Variants in MTUS2 observed in about 807,000 individuals in gnomAD.
The protein encoded by MTUS2 is microtubule-associated tumor suppressor candidate 2.
In MTUS2, 40 loss-of-function variants were observed where a neutral mutation model predicts 114.1. That is an observed-to-expected ratio of 0.35 (90% CI 0.27 to 0.46). The LOEUF (loss-of-function observed/expected upper bound fraction) is 0.46. MTUS2 is among the 20% of genes least tolerant of loss of function. The pLI, the probability that MTUS2 is intolerant of heterozygous loss-of-function variation, is 1.00. For missense variants in MTUS2, 1,679 were observed against 1,705.4 expected, an observed-to-expected ratio of 0.98 and a Z score of 0.27; for synonymous variants, 688 against 672.0, an observed-to-expected ratio of 1.02 and a Z score of -0.37.
At chr13:29,362,958 G>T (rs1870393225) in intron 8 of MTUS2, among the ~76,000 whole-genome samples, 1 of 152,166 alleles carries the variant, frequency 6.6e-6, no homozygotes, top group Admixed American at 6.5e-5. Flanking sequence ...CCACACTTAG[G>T]TGCCAACAGC....
In MTUS2 at chr13:29,042,719, AT is replaced by A. The variant is rs1243766550; in HGVS notation, c.2446+8597del. Among the ~76,000 whole-genome samples the A allele has an allele frequency of 2.0e-5, 3 of 152,022 alleles. No individual in the cohort carries two copies. The East Asian group carries it at 5.8e-4, about 29-fold the overall frequency. On this transcript the variant is annotated intron_variant, in intron 4 of 15. Coordinates refer to ENST00000612955, the MANE Select transcript of MTUS2 (RefSeq NM_001033602.4). The stretch of plus-strand genomic sequence containing the variant: ...GAATGTTGTATATTTCCAGGAACTT[AT>A]TTATCTCCTCTAGATTTTCTACTAT...
intron 2 of MTUS2, among the ~76,000 whole-genome samples, chr13:28,852,726 G>A (rs1404586719): frequency 6.6e-6 from 1 of 152,078 alleles, no homozygotes; most frequent in Non-Finnish European, 1.5e-5. Context: ...TTAGCCAGGT[G>A]TGGTGGCACA....
At chr13:29,046,288 AT>A (rs66921753) in intron 4 of MTUS2, among the ~76,000 whole-genome samples, 144,860 of 151,542 alleles carry the variant, frequency 0.96, 69,342 homozygotes, top group South Asian at 0.98. Context: ...AATTTTGTTT[AT>A]TTTTTTTGTA....
chr13:29,485,001 T>C (rs1278037203), intron 10 of MTUS2: 1 of 152,322 alleles, frequency 6.6e-6, no homozygotes, highest in Admixed American at 6.5e-5. Context: ...TACTGCCGTG[T>C]TGACAGACAC....
chr13:29,045,832 G>T (rs1376599006), intron 4 of MTUS2, among the ~76,000 whole-genome samples: 1 of 152,114 alleles, frequency 6.6e-6, no homozygotes, highest in Non-Finnish European at 1.5e-5. Context: ...ATTTAAGGAG[G>T]ATTTCTCTCC....
At chr13:29,122,877 A>C (rs1891368402) in intron 5 of MTUS2, among the ~76,000 whole-genome samples, 1 of 152,234 alleles carries the variant, frequency 6.6e-6, no homozygotes, top group Non-Finnish European at 1.5e-5. Flanking sequence ...TCAGAAAAAT[A>C]GATCATTCCA....
chr13:29,021,459 C>CT (rs766990624), intron 2 of MTUS2, among the ~76,000 whole-genome samples: 1 of 152,184 alleles, frequency 6.6e-6, no homozygotes, highest in African/African-American at 2.4e-5. Flanking sequence ...TTCTTTGTCA[C>CT]TTTCTTGCAA....
At chr13:29,333,197 C>G (rs1900880211) in intron 7 of MTUS2, among the ~76,000 whole-genome samples, 1 of 151,816 alleles carries the variant, frequency 6.6e-6, no homozygotes, top group Admixed American at 6.6e-5. Flanking sequence ...AGTTTCTTTT[C>G]TTTTCTTTCT....
chr13:28,839,735 A>C (rs757251346), intron 1 of MTUS2, 43 bp from the exon 2 acceptor site: 2 of 152,130 alleles, frequency 1.3e-5, no homozygotes, highest in Admixed American at 6.6e-5. Flanking sequence ...GCTTTCCTGA[A>C]TCTTTCTCCT....
intron 8 of MTUS2, among the ~76,000 whole-genome samples, chr13:29,371,943 TAA>T (rs1369434537): frequency 7.1e-6 from 1 of 140,576 alleles, no homozygotes; most frequent in Admixed American, 8.1e-5. Flanking sequence ...TGAAATTTGC[TAA>T]GAGAGTAGAT....
intron 1 of MTUS2, among the ~76,000 whole-genome samples, chr13:28,828,693 CAG>C (rs1394322443): frequency 6.6e-5 from 10 of 152,162 alleles, no homozygotes; most frequent in Admixed American, 5.2e-4. Context: ...GCACTTGCCT[CAG>C]GTACAAAATT....
intron 2 of MTUS2, among the ~76,000 whole-genome samples, chr13:28,886,002 G>A (rs756281153): frequency 3.3e-5 from 5 of 152,172 alleles, no homozygotes; most frequent in Non-Finnish European, 5.9e-5. Context: ...GAGCAGTTGG[G>A]GAAGGGCATT....
intron 2 of MTUS2, among the ~76,000 whole-genome samples, chr13:28,918,366 A>G (rs1880860929): frequency 1.3e-5 from 2 of 151,770 alleles, no homozygotes; most frequent in South Asian, 4.1e-4. Context: ...TATCACTGGG[A>G]TATTTGTAAA....
intron 2 of MTUS2, among the ~76,000 whole-genome samples, chr13:28,992,522 C>A (rs1283590701): frequency 6.6e-6 from 1 of 152,096 alleles, no homozygotes; most frequent in African/African-American, 2.4e-5. Flanking sequence ...TACAGCATTG[C>A]ATACTGTGAG....
chr13:28,981,947 T>C (rs1052262541), intron 2 of MTUS2, among the ~76,000 whole-genome samples: 7 of 152,212 alleles, frequency 4.6e-5, no homozygotes, highest in Non-Finnish European at 1.0e-4. Flanking sequence ...TGATAATTGC[T>C]TCCGAGTGCC....
intron 4 of MTUS2, among the ~76,000 whole-genome samples, chr13:29,036,141 C>CAAAAAAA (rs397851632): frequency 1.6e-4 from 5 of 31,656 alleles, no homozygotes; most frequent in South Asian, 1.2e-3. Context: ...GAGACTGTCT[C>CAAAAAAA]AAAAAAAAAA....
intron 2 of MTUS2, among the ~76,000 whole-genome samples, chr13:28,844,407 G>A (rs1420205098): frequency 6.6e-6 from 1 of 152,156 alleles, no homozygotes; most frequent in African/African-American, 2.4e-5. Flanking sequence ...AATGCTGTGT[G>A]TGTGTGTGCG....
intron 5 of MTUS2, among the ~76,000 whole-genome samples, chr13:29,263,295 A>G (rs940529791): frequency 2.0e-5 from 3 of 152,122 alleles, no homozygotes; most frequent in Non-Finnish European, 4.4e-5. Context: ...CTTCCTCTTG[A>G]TCAGGGCATT....
At chr13:29,495,914 A>ATGTGTGTG (rs59958046) in intron 12 of MTUS2, among the ~76,000 whole-genome samples, 36 of 148,414 alleles carry the variant, frequency 2.4e-4, no homozygotes, top group African/African-American at 8.6e-4. Context: ...CTCTCTTTAT[A>ATGTGTGTG]TGTGTGTGTG....
Sources: gnomAD v4.1 joint callset for allele counts (sites outside exome capture counted in the v4.1 genomes callset) on GRCh38, gnomAD v4.1.1 for gene constraint, MANE v1.5 for transcripts, NCBI Gene and HGNC (gene_info 2026-07-23, HGNC 2026-07-21) for gene names.